Variants in CRYBG1 observed in about 807,000 individuals in gnomAD.
CRYBG1 encodes the protein crystallin beta-gamma domain containing 1.
CRYBG1 carries 139 observed loss-of-function variants against 189.2 expected under a neutral mutation model. The ratio of observed to expected loss-of-function variants is 0.73; its 90% CI spans 0.64 to 0.85. The LOEUF is 0.85. CRYBG1 is among the 40% of genes least tolerant of loss of function. The probability of loss-of-function intolerance (pLI) is 0.00; values close to 1 mark genes in which losing one functional copy is unlikely to be tolerated. For synonymous variants in CRYBG1, 1,023 were observed against 1,017.1 expected, an observed-to-expected ratio of 1.01 and a Z score of -0.11; for missense variants, 2,611 against 2,675.8, an observed-to-expected ratio of 0.98 and a Z score of 0.53.
In CRYBG1 at chr6:106,512,464, C is replaced by T. The variant is rs1462169305; in HGVS notation, c.1347C>T (p.Asp449=). 13 of 1,611,058 alleles carry T rather than the reference C, an allele frequency of 8.1e-6. No individual in the cohort carries two copies. The East Asian group carries it at 2.7e-4, about 33-fold the overall frequency. The change falls in exon 3 of 22, where the codon GAC becomes GAT. Residue 449 remains aspartate (D), a synonymous_variant. Transcript: ENST00000633556. ...ESAARDDAVF[D]DEVAPNAASD... ...CTGCCAGGGACGACGCGGTGTTCGA[C>T]GACGAGGTGGCGCCAAACGCGGCCA...
At chr6:106,528,542 A>G (rs1435844697) in intron 7 of CRYBG1, among the ~76,000 whole-genome samples, 1 of 152,122 alleles carries the variant, frequency 6.6e-6, no homozygotes, top group East Asian at 1.9e-4. Context: ...CTTCTCACCT[A>G]ACACTGTGGT....
In CRYBG1 at chr6:106,378,810, T is replaced by C. The variant is rs77251396; in HGVS notation, c.173+17729T>C. ...CAATGTCTTTTCTTCCTCCTCCTCC[T>C]GTTGTTCTTCTTCTTCCCTTTTTTT... is the stretch of plus-strand genomic sequence containing the variant. On this transcript the variant is annotated intron_variant, in intron 1 of 21. Transcript: ENST00000633556. 2.0e-3 allele frequency among the ~76,000 whole-genome samples: 300 copies of C among 152,310 alleles called. 1 individual carries two copies. Among genetic ancestry groups the C allele is most frequent in the African/African-American group, 7.0e-3 (289 of 41,572 alleles).
At chr6:106,383,515 G>T (rs1020089226) in intron 1 of CRYBG1, among the ~76,000 whole-genome samples, 10 of 152,180 alleles carry the variant, frequency 6.6e-5, no homozygotes, top group South Asian at 2.1e-4. Context: ...GATGTATTAA[G>T]TCTCAATCCT....
intron 1 of CRYBG1, among the ~76,000 whole-genome samples, chr6:106,428,704 A>G (rs1052650163): frequency 6.6e-6 from 1 of 152,228 alleles, no homozygotes; most frequent in Non-Finnish European, 1.5e-5. Flanking sequence ...AGGTCTTCTG[A>G]TACCACATCA....
chr6:106,544,686 C>G lies in CRYBG1; in HGVS notation c.5155C>G (p.Pro1719Ala). The G allele has an allele frequency of 6.2e-7, 1 of 1,613,894 alleles. No homozygotes were observed. Among genetic ancestry groups the G allele is most frequent in the Non-Finnish European group, 8.5e-7 (1 of 1,179,932 alleles). ...CAATGGAGAGCTTCAGTCTTTACGA[C>G]CTATATTAGGTGTAAGTAAAGGACA... ...GYNGELQSLR[P>A]ILGDFSNAHM... Residue 1719 changes from proline to alanine, a missense_variant, in exon 12 of 22, where the codon CCT (proline) becomes GCT (alanine). By Grantham distance (27) the Pro-to-Ala change is conservative. Transcript: ENST00000633556.
At chr6:106,419,726 G>A (rs1293218164) in intron 1 of CRYBG1, among the ~76,000 whole-genome samples, 1 of 152,164 alleles carries the variant, frequency 6.6e-6, no homozygotes, top group East Asian at 1.9e-4. Flanking sequence ...TACCAGAGAA[G>A]TTAAATACAG....
chr6:106,497,557 G>C (rs1054731094), intron 2 of CRYBG1, among the ~76,000 whole-genome samples: 1 of 152,160 alleles, frequency 6.6e-6, no homozygotes, highest in East Asian at 1.9e-4. Context: ...TCATGTTTAC[G>C]TGTGTGTGCA....
At chr6:106,385,278 G>A (rs889601055) in intron 1 of CRYBG1, among the ~76,000 whole-genome samples, 11 of 152,112 alleles carry the variant, frequency 7.2e-5, no homozygotes, top group African/African-American at 2.7e-4. Context: ...AACAGACATG[G>A]GTTAAGGGCA....
At chr6:106,425,654 A>G (rs1297718988) in intron 1 of CRYBG1, among the ~76,000 whole-genome samples, 1 of 152,182 alleles carries the variant, frequency 6.6e-6, no homozygotes, top group Non-Finnish European at 1.5e-5. Flanking sequence ...TTTATGAGAC[A>G]GAGTTTCGCT....
At chr6:106,413,584 G>A (rs779976317) in intron 1 of CRYBG1, among the ~76,000 whole-genome samples, 1 of 152,134 alleles carries the variant, frequency 6.6e-6, no homozygotes, top group Admixed American at 6.5e-5. Context: ...GGCTGAGGCA[G>A]GAGAATCACT....
At chr6:106,525,842 T>C (rs943789135) in intron 6 of CRYBG1, among the ~76,000 whole-genome samples, 1 of 152,084 alleles carries the variant, frequency 6.6e-6, no homozygotes, top group Non-Finnish European at 1.5e-5. Context: ...ATCTATAAGG[T>C]AAAACAAAAA....
At chr6:106,544,425 A>G (rs947615001) in intron 11 of CRYBG1, 146 bp from the exon 12 acceptor site, 1 of 957,950 alleles carries the variant, frequency 1.0e-6, no homozygotes, top group Non-Finnish European at 1.5e-6. Flanking sequence ...TTATTCTCCT[A>G]AATTTTAAAG....
At chr6:106,528,765 T>C (rs1773810947) in intron 7 of CRYBG1, among the ~76,000 whole-genome samples, 1 of 152,188 alleles carries the variant, frequency 6.6e-6, no homozygotes, top group Non-Finnish European at 1.5e-5. Flanking sequence ...ACCACAGGTT[T>C]AGGGTTTAGC....
intron 2 of CRYBG1, among the ~76,000 whole-genome samples, chr6:106,470,814 C>CATTA (rs1239897789): frequency 6.6e-6 from 1 of 152,086 alleles, no homozygotes; most frequent in Non-Finnish European, 1.5e-5. Context: ...ACTGTACAGT[C>CATTA]ATTAATTACA....
At chr6:106,420,119 A>G (rs935727781) in intron 1 of CRYBG1, among the ~76,000 whole-genome samples, 1 of 152,252 alleles carries the variant, frequency 6.6e-6, no homozygotes, top group African/African-American at 2.4e-5. Flanking sequence ...GTATTGAAGT[A>G]TAAACTGAAA....
At chr6:106,469,016 GT>G (rs1772169515) in intron 2 of CRYBG1, among the ~76,000 whole-genome samples, 1 of 152,134 alleles carries the variant, frequency 6.6e-6, no homozygotes, top group Non-Finnish European at 1.5e-5. Context: ...GGAAGAGAGC[GT>G]TCCATTTCTC....
rs1562096419 is a variant in CRYBG1, at chr6:106,512,622, G to C, written c.1505G>C (p.Arg502Pro). 1.3e-6 allele frequency: 2 copies of C among 1,598,516 alleles called. No individual in the cohort carries two copies. The highest frequency in any genetic ancestry group is 1.7e-5 in the Admixed American group (1 of 57,666). ...TKGQLRGESD[R>P]SKQPPPASSP... Reference sequence around the variant, plus strand: ...GGGCAGCTCCGAGGGGAGTCGGACCGGAGCAAACAGCCACCCCCGGCTTCG... The same window carrying C: ...GGGCAGCTCCGAGGGGAGTCGGACCCGAGCAAACAGCCACCCCCGGCTTCG... Residue 502 changes from arginine to proline, a missense_variant, in exon 3 of 22, where the codon CGG becomes CCG. Physicochemically the swap from Arg to Pro is moderately radical, Grantham distance 103. This residue lies in a region of CRYBG1 where 985 missense variants were observed against 924.4 expected (regional missense o/e 1.07). Coordinates refer to ENST00000633556, the MANE Select transcript of CRYBG1 (RefSeq NM_001371242.2).
In CRYBG1 at chr6:106,406,531, A is replaced by G. The variant is rs552468505; in HGVS notation, c.174-45163A>G. Among the ~76,000 whole-genome samples the G allele has an allele frequency of 2.1e-4, 32 of 152,390 alleles. No individual in the cohort carries two copies. In the South Asian group the frequency reaches 6.4e-3, roughly 31 times the overall value. ...GCCAACATTCAAATTCAGGAAATAC[A>G]GAGAACACCACAAAGATACTCCTCA... On this transcript the variant is annotated intron_variant, in intron 1 of 21. Transcript: ENST00000633556.
At chr6:106,433,291 A>G (rs1360426327) in intron 1 of CRYBG1, among the ~76,000 whole-genome samples, 1 of 152,216 alleles carries the variant, frequency 6.6e-6, no homozygotes, top group Admixed American at 6.5e-5. Flanking sequence ...GTGCTACACA[A>G]ATATAAGACA....
Sources: allele counts gnomAD v4.1 joint callset (sites outside exome capture counted in the v4.1 genomes callset), GRCh38; gene constraint gnomAD v4.1.1; regional missense constraint gnomAD v4.1.1; transcripts MANE v1.5; gene names NCBI Gene and HGNC (gene_info 2026-07-23, HGNC 2026-07-21).